Variants in PHF20 observed in about 807,000 individuals in gnomAD.
PHF20 encodes glioma-expressed antigen 2.
PHF20 carries 23 observed loss-of-function variants against 113.5 expected under a neutral mutation model. That is an observed-to-expected ratio of 0.20 (90% CI 0.15 to 0.29). The LOEUF (loss-of-function observed/expected upper bound fraction) is 0.29. Among genes scored for constraint, PHF20 ranks in the 10% least tolerant of loss-of-function variants. PHF20 has a pLI of 1.00. For synonymous variants in PHF20, 434 were observed against 457.3 expected, an observed-to-expected ratio of 0.95 and a Z score of 0.65; for missense variants, 943 against 1,219.6, an observed-to-expected ratio of 0.77 and a Z score of 3.38.
rs1166606066 is a variant in PHF20 at position 35,930,518 on chromosome 20, GA to G, written c.2105-726del. ...ATCAAAAAAAAATGAAAGAAAGAAA[GA>G]AAAATTAGCCAGGCATGGTGGTGCA... On this transcript the variant is annotated intron_variant, in intron 14 of 17. Transcript: ENST00000374012. Among the ~76,000 whole-genome samples, 5 of 151,858 alleles carry G rather than the reference GA, an allele frequency of 3.3e-5. No individual in the cohort carries two copies. In the East Asian group the frequency reaches 9.6e-4, roughly 29 times the overall value.
chr20:35,914,326 T>C, intron 12 of PHF20, 129 bp downstream of exon 12: 1 of 923,062 alleles, frequency 1.1e-6, no homozygotes, highest in South Asian at 1.8e-5. Flanking sequence ...AGACATAATT[T>C]TTATTTTCCC....
chr20:35,906,212 C>T (rs572398468), intron 10 of PHF20, among the ~76,000 whole-genome samples: 5 of 152,358 alleles, frequency 3.3e-5, no homozygotes, highest in South Asian at 2.1e-4. Context: ...TTGCCATCCA[C>T]ACCTTTTCTC....
intron 2 of PHF20, among the ~76,000 whole-genome samples, chr20:35,837,265 A>G (rs970905770): frequency 5.9e-5 from 9 of 152,320 alleles, no homozygotes; most frequent in Non-Finnish European, 1.3e-4. Context: ...ATTTAACTAA[A>G]TTTTTAAAAA....
intron 13 of PHF20, among the ~76,000 whole-genome samples, chr20:35,920,419 A>G (rs2055490095): frequency 2.6e-5 from 4 of 152,232 alleles, no homozygotes; most frequent in South Asian, 4.1e-4. Context: ...ACAGCTGAGT[A>G]GTGATTTAAA....
chr20:35,886,753 C>G (rs2054741185), intron 9 of PHF20, among the ~76,000 whole-genome samples: 1 of 152,148 alleles, frequency 6.6e-6, no homozygotes, highest in South Asian at 2.1e-4. Flanking sequence ...CCCTGAGAGC[C>G]AGGGCCATCT....
chr20:35,853,570 A>G (rs1034709501), intron 4 of PHF20, among the ~76,000 whole-genome samples: 16 of 152,064 alleles, frequency 1.1e-4, no homozygotes, highest in Non-Finnish European at 2.1e-4. Flanking sequence ...ATAGACCCCA[A>G]TGCCCCGCTA....
chr20:35,788,328 C>G (rs904007662), intron 1 of PHF20, among the ~76,000 whole-genome samples: 1 of 149,832 alleles, frequency 6.7e-6, no homozygotes, highest in Non-Finnish European at 1.5e-5. Flanking sequence ...GATCTCCTAA[C>G]CTCGTGATCC....
chr20:35,889,710 CTTAATTAA>C (rs35732483), intron 9 of PHF20, among the ~76,000 whole-genome samples: 3 of 150,766 alleles, frequency 2.0e-5, no homozygotes, highest in Non-Finnish European at 2.9e-5. Context: ...TATTCTGTTT[CTTAATTAA>C]TTAATTAATT....
At chr20:35,786,410 A>C (rs909924400) in intron 1 of PHF20, among the ~76,000 whole-genome samples, 5 of 151,142 alleles carry the variant, frequency 3.3e-5, no homozygotes, top group Non-Finnish European at 7.4e-5. Flanking sequence ...TAAATAAATA[A>C]GACTTCCCCT....
intron 2 of PHF20, among the ~76,000 whole-genome samples, chr20:35,806,971 AT>A (rs1258196470): frequency 2.6e-5 from 4 of 151,238 alleles, no homozygotes; most frequent in Admixed American, 1.3e-4. Flanking sequence ...AATTTTTTGT[AT>A]TTTTAGCAGA....
chr20:35,903,880 G>T (rs1422817084), intron 10 of PHF20, among the ~76,000 whole-genome samples: 1 of 152,176 alleles, frequency 6.6e-6, no homozygotes, highest in African/African-American at 2.4e-5. Flanking sequence ...TTCTGCTGCA[G>T]CTCTCCAGAA....
At chr20:35,784,706 G>A (rs576174834) in intron 1 of PHF20, among the ~76,000 whole-genome samples, 10 of 152,096 alleles carry the variant, frequency 6.6e-5, no homozygotes, top group Admixed American at 2.0e-4. Flanking sequence ...CAAAGTATTG[G>A]GATTACAGGC....
At chr20:35,943,239 T>C (rs2056021278) in intron 17 of PHF20, among the ~76,000 whole-genome samples, 1 of 152,106 alleles carries the variant, frequency 6.6e-6, no homozygotes, top group African/African-American at 2.4e-5. Flanking sequence ...TCCTAGCTAC[T>C]TGGGAGGCTG....
intron 1 of PHF20, among the ~76,000 whole-genome samples, chr20:35,782,872 C>T (rs2041330078): frequency 6.6e-6 from 1 of 152,160 alleles, no homozygotes; most frequent in Admixed American, 6.6e-5. Context: ...CCTTTCCCTC[C>T]ATTTCCTAAT....
Position 35,944,640 on chromosome 20 carries a change from C to T in PHF20, c.2897-2845C>T, listed in dbSNP as rs561566301. Reference sequence around the variant, plus strand: ...AGGCTGGAGTACAGTGGCATGATCTCGGCTTACTGAAGCCTCTGCCTCCCA... The same window carrying T: ...AGGCTGGAGTACAGTGGCATGATCTTGGCTTACTGAAGCCTCTGCCTCCCA... On this transcript the variant is annotated intron_variant, in intron 17 of 17. Coordinates refer to ENST00000374012, the MANE Select transcript of PHF20 (RefSeq NM_016436.5). 5.8e-4 allele frequency among the ~76,000 whole-genome samples: 89 copies of T among 152,226 alleles called. 1 individual carries two copies. The highest frequency in any genetic ancestry group is 8.1e-4 in the Non-Finnish European group (55 of 68,008).
At chr20:35,787,604 TC>T (rs2041448972) in intron 1 of PHF20, among the ~76,000 whole-genome samples, 1 of 148,400 alleles carries the variant, frequency 6.7e-6, no homozygotes, top group African/African-American at 2.5e-5. Flanking sequence ...TTCTCCTGCC[TC>T]AGCCTCCCAA....
At chr20:35,943,056 C>T (rs577296256) in intron 17 of PHF20, among the ~76,000 whole-genome samples, 101 of 152,294 alleles carry the variant, frequency 6.6e-4, no homozygotes, top group African/African-American at 2.3e-3. Flanking sequence ...ATCTCCTGAC[C>T]TCATGATCCG....
intron 12 of PHF20, 130 bp from the exon 13 acceptor site, chr20:35,917,354 C>T (rs746707023): frequency 1.8e-5 from 15 of 839,790 alleles, no homozygotes; most frequent in South Asian, 5.8e-5. Context: ...TTGGCATCCT[C>T]GTTTCCTTGC....
chr20:35,781,935 G>A (rs1182163249), intron 1 of PHF20, among the ~76,000 whole-genome samples: 3 of 150,920 alleles, frequency 2.0e-5, no homozygotes, highest in Non-Finnish European at 2.9e-5. Flanking sequence ...GTGACAGAGC[G>A]AGACTCCATC....
Sources: allele counts gnomAD v4.1 joint callset (sites outside exome capture counted in the v4.1 genomes callset), GRCh38; gene constraint gnomAD v4.1.1; transcripts MANE v1.5; gene names NCBI Gene and HGNC (gene_info 2026-07-23, HGNC 2026-07-21).